METTL13: variants seen among roughly 807,000 people sequenced by gnomAD.
METTL13 encodes the protein methyltransferase 13, eEF1A N-terminus and K55.
In METTL13, 52 loss-of-function variants were observed where a neutral mutation model predicts 67.4. The observed-to-expected ratio is 0.77, with a 90% CI of 0.62 to 0.97. The LOEUF (loss-of-function observed/expected upper bound fraction) is 0.97. METTL13 is among the 50% of genes least tolerant of loss of function. The pLI is 0.00. For synonymous variants in METTL13, 354 were observed against 353.6 expected (o/e 1.00, Z -0.01); for missense variants, 825 against 889.6 (o/e 0.93, Z 0.92).
chr1:171,785,817 C>T, intron 2 of METTL13, 62 bp from the exon 3 acceptor site: 1 of 1,556,492 alleles, frequency 6.4e-7, no homozygotes, highest in South Asian at 1.2e-5. Flanking sequence ...GCCGTTTGGG[C>T]CATATTGGTT....
chr1:171,784,210 C>A lies in METTL13; in HGVS notation c.624C>A (p.Ile208=), dbSNP rs778304662. ...TCTCCTTGCCTGTCTTTGCCTTCAT[C>A]ATGACCAAGTTCAGGCCAGTCCCTG... ...PQFSLPVFAF[I]MTKFRPVPGS... is the part of the protein sequence containing the mutation. The change falls in exon 2 of 8, where the codon ATC becomes ATA. Residue 208 remains isoleucine (I), a synonymous_variant. Transcript: ENST00000361735. 4 of 1,614,010 alleles carry A rather than the reference C, an allele frequency of 2.5e-6. No individual in the cohort carries two copies. The Admixed American group carries it at 5.0e-5, about 20-fold the overall frequency.
rs779961798 is a variant in METTL13, at chr1:171,782,098, A to G, written c.131A>G (p.Lys44Arg). 5.0e-6 allele frequency: 8 copies of G among 1,613,864 alleles called. No homozygotes were observed. The African/African-American group carries it at 1.1e-4, about 22-fold the overall frequency. ...TYLELCGVLH[K>R]YIKPREKVLV... ...CTGGAACTGTGCGGGGTGCTACATA[A>G]ATATATCAAGCCCAGGGAAAAGGTG... The change falls in exon 1 of 8, where the codon AAA (lysine) becomes AGA (arginine). Residue 44 changes from lysine to arginine, a missense_variant. Coordinates refer to ENST00000361735, the MANE Select transcript of METTL13 (RefSeq NM_015935.5).
At position 171,785,983 on chromosome 1, in the gene METTL13, C is replaced by T. The variant is rs776969720; in HGVS notation, c.1018C>T (p.Arg340Ter). The change falls in exon 3 of 8, where the codon CGA (arginine) becomes TGA (stop). Residue 340 changes from arginine to a stop codon, truncating the protein, a stop_gained. Transcript: ENST00000361735. LOFTEE classifies it high-confidence loss of function. ...GAGGTTGATTACAGTGGCCCTTCAC[C>T]GAGGTCAGCAGTATGAAAGCATGGA... ...FRRLITVALH[R>*]GQQYESMDHI... 5.0e-6 allele frequency: 8 copies of T among 1,613,844 alleles called. No homozygotes were observed. Among genetic ancestry groups the T allele is most frequent in the Admixed American group, 3.3e-5 (2 of 59,986 alleles).
chr1:171,792,191 C>T lies in METTL13; in HGVS notation c.1649C>T (p.Ala550Val), dbSNP rs1287582605. 2 of 1,614,088 alleles carry T rather than the reference C, an allele frequency of 1.2e-6. No homozygotes were observed. Among genetic ancestry groups the T allele is most frequent in the Non-Finnish European group, 1.7e-6 (2 of 1,180,042 alleles). The part of the protein sequence containing the change: ...SQSDRMKVHI[A>V]DGLDYIASLA... Reference sequence around the variant, plus strand: ...AGTGACCGAATGAAGGTCCACATTGCAGATGGCCTGGACTATATCGCCAGC... The same window carrying T: ...AGTGACCGAATGAAGGTCCACATTGTAGATGGCCTGGACTATATCGCCAGC... The change falls in exon 6 of 8, where the codon GCA becomes GTA. Residue 550 changes from alanine to valine, a missense_variant. By Grantham distance (64) the Ala-to-Val change is moderately conservative. Transcript: ENST00000361735.
Position 171,787,756 on chromosome 1 carries a change from G to A in METTL13, c.1135G>A (p.Gly379Arg). Residue 379 changes from glycine (G) to arginine (R), a missense_variant, in exon 4 of 8, where the codon GGG becomes AGG. Coordinates refer to ENST00000361735, the MANE Select transcript of METTL13 (RefSeq NM_015935.5). ...TCAGGTCCCCTTTCTGTCTGTGGGT[G>A]GGGACATTGGGGTCCGGACCGTTCA... ...QQQVPFLSVG[G>R]DIGVRTVQHQ... The A allele has an allele frequency of 6.2e-7, 1 of 1,613,254 alleles. No individual in the cohort carries two copies. Among genetic ancestry groups the A allele is most frequent in the Non-Finnish European group, 8.5e-7 (1 of 1,179,270 alleles).
intron 6 of METTL13, among the ~76,000 whole-genome samples, chr1:171,793,998 C>T (rs1657285755): frequency 6.6e-6 from 1 of 152,170 alleles, no homozygotes; most frequent in Non-Finnish European, 1.5e-5. Context: ...CCCCTACTAC[C>T]CCAGGATATT....
rs1437739843 is a variant in METTL13 at position 171,783,990 on chromosome 1, C to A, written c.404C>A (p.Thr135Asn). Reference sequence around the variant, plus strand: ...GTCCTGACAGATGAGGAAGAGAAGACCTTACAACAGGTGGACAGGATGCTG... The same window carrying A: ...GTCCTGACAGATGAGGAAGAGAAGAACTTACAACAGGTGGACAGGATGCTG... ...DAVLTDEEEK[T>N]LQQVDRMLAE... is the part of the protein sequence containing the mutation. The change falls in exon 2 of 8, where the codon ACC (threonine) becomes AAC (asparagine). Residue 135 changes from threonine to asparagine, a missense_variant. Transcript: ENST00000361735. 2 of 1,614,210 alleles carry A rather than the reference C, an allele frequency of 1.2e-6. No homozygotes were observed. Among genetic ancestry groups the A allele is most frequent in the South Asian group, 2.2e-5 (2 of 91,086 alleles).
chr1:171,796,677 G>A lies in METTL13; in HGVS notation c.2021G>A (p.Arg674Gln), dbSNP rs761855934. ...ELLETAQALE[R>Q]TLRKPGRGWD... ...CTAGAAACAGCCCAGGCTTTGGAGC[G>A]GACCCTGAGGAAGCCTGGGAGGGGT... The change falls in exon 8 of 8, where the codon CGG becomes CAG. Residue 674 changes from arginine (R) to glutamine (Q), a missense_variant. By Grantham distance (43) the Arg-to-Gln change is conservative (BLOSUM62 1). Coordinates refer to ENST00000361735, the MANE Select transcript of METTL13 (RefSeq NM_015935.5). The A allele has an allele frequency of 3.6e-5, 58 of 1,614,190 alleles. No homozygotes were observed. Among genetic ancestry groups the A allele is most frequent in the South Asian group, 3.4e-4 (31 of 91,088 alleles).
chr1:171,795,333 T>C (rs1657333581), intron 7 of METTL13, among the ~76,000 whole-genome samples: 1 of 152,246 alleles, frequency 6.6e-6, no homozygotes, highest in African/African-American at 2.4e-5. Flanking sequence ...TTCTAGTATA[T>C]GCCTTTTGAT....
In METTL13 at chr1:171,796,716, A is replaced by T. The variant is rs190345648; in HGVS notation, c.2060A>T (p.Tyr687Phe). ...CCTGGGAGGGGTTGGGATGACACGTATGTCTTGTCAGATATGCTCAAGACG... is the reference window on the plus strand; with the variant it reads ...CCTGGGAGGGGTTGGGATGACACGTTTGTCTTGTCAGATATGCTCAAGACG... ...RKPGRGWDDT[Y>F]VLSDMLKTVK... Residue 687 changes from tyrosine (Y) to phenylalanine (F), a missense_variant, in exon 8 of 8, where the codon TAT becomes TTT. Physicochemically the swap from Tyr to Phe is conservative, Grantham distance 22. Transcript: ENST00000361735. 1 of 1,614,208 alleles carries T rather than the reference A, an allele frequency of 6.2e-7. No homozygotes were observed. The highest frequency in any genetic ancestry group is 1.3e-5 in the African/African-American group (1 of 75,068).
chr1:171,791,940 C>T, intron 5 of METTL13, 77 bp from the exon 6 acceptor site: 1 of 1,492,368 alleles, frequency 6.7e-7, no homozygotes, highest in South Asian at 1.2e-5. Flanking sequence ...CTGACTTTCC[C>T]TTTTGCCTTC....
At chr1:171,785,218 A>G (rs557243433) in intron 2 of METTL13, among the ~76,000 whole-genome samples, 83 of 152,254 alleles carry the variant, frequency 5.5e-4, no homozygotes, top group Non-Finnish European at 1.0e-3. Flanking sequence ...TAATAAGGAT[A>G]AAAAAGATAG....
chr1:171,784,443 T>C lies in METTL13; in HGVS notation c.857T>C (p.Val286Ala). 6.6e-7 allele frequency: 1 copy of C among 1,514,866 alleles called. No homozygotes were observed. Among genetic ancestry groups the C allele is most frequent in the South Asian group, 1.3e-5 (1 of 75,132 alleles). The allele number at this position is 1,514,866 out of a possible 1,614,324, so 93.8% of individuals were successfully genotyped here. A position where few individuals can be genotyped will look rare whatever the true frequency, so the allele number is the denominator to read the frequency against. Reference sequence around the variant, plus strand: ...GGGGAGCCACGCTACACCCTCCACGTGGTGGACAGCCCCACTGTGAAACCA... The same window carrying C: ...GGGGAGCCACGCTACACCCTCCACGCGGTGGACAGCCCCACTGTGAAACCA... ...DTGEPRYTLH[V>A]VDSPTVKPSR... Residue 286 changes from valine to alanine, a missense_variant, in exon 2 of 8, where the codon GTG becomes GCG. Transcript: ENST00000361735.
At chr1:171,793,828 G>C (rs1359782025) in intron 6 of METTL13, among the ~76,000 whole-genome samples, 1 of 152,194 alleles carries the variant, frequency 6.6e-6, no homozygotes, top group Admixed American at 6.5e-5. Context: ...GGCAAAATGT[G>C]CTGTTTTCAG....
intron 2 of METTL13, 72 bp downstream of exon 2, chr1:171,784,571 G>GGGCTGA (rs2124897351): frequency 7.1e-7 from 1 of 1,412,456 alleles, no homozygotes; most frequent in South Asian, 1.6e-5. Flanking sequence ...GCTGGGGCTG[G>GGGCTGA]GGCTGAGGCT....
rs1322359165 is a variant in METTL13 at position 171,782,045 on chromosome 1, GAA to G, written c.80_81del (p.Lys27SerfsTer17). 5.6e-6 allele frequency: 9 copies of G among 1,614,172 alleles called. No homozygotes were observed. Among genetic ancestry groups the G allele is most frequent in the Non-Finnish European group, 7.6e-6 (9 of 1,180,022 alleles). ...AGAAGTTCTTCCAGCAGCGAGGAAA[GAA>G]AGCTTTCGAGTGGTATGGAACCTAC... ...WEKFFQQRGKKAFEWYGTYLE... is the reference protein window; with the variant it reads ...WEKFFQQRGKXAFEWYGTYLE... On this transcript the variant is annotated frameshift_variant, in exon 1 of 8. Transcript: ENST00000361735. LOFTEE classifies it high-confidence loss of function.
At chr1:171,789,848 T>TGGGGGGGGGGGGGG (rs1657143949) in intron 4 of METTL13, among the ~76,000 whole-genome samples, 3 of 99,388 alleles carry the variant, frequency 3.0e-5, no homozygotes, top group Non-Finnish European at 4.2e-5. Context: ...TGGGGCGGGG[T>TGGGGGGGGGGGGGG]AGGGGGGGCA....
chr1:171,793,083 G>A (rs1657260478), intron 6 of METTL13, among the ~76,000 whole-genome samples: 1 of 152,176 alleles, frequency 6.6e-6, no homozygotes, highest in Non-Finnish European at 1.5e-5. Flanking sequence ...AGGCAGTTAG[G>A]TTGGTTCAGT....
At chr1:171,788,934 C>T (rs1425711218) in intron 4 of METTL13, among the ~76,000 whole-genome samples, 2 of 152,178 alleles carry the variant, frequency 1.3e-5, no homozygotes, top group Non-Finnish European at 2.9e-5. Flanking sequence ...TCAAGTTACC[C>T]AGCGAAATGG....
Sources: allele counts gnomAD v4.1 joint callset (sites outside exome capture counted in the v4.1 genomes callset), GRCh38; gene constraint gnomAD v4.1.1; transcripts MANE v1.5; gene names NCBI Gene and HGNC (gene_info 2026-07-23, HGNC 2026-07-21).